CACNB2: variants seen among roughly 807,000 people sequenced by gnomAD.
CACNB2 encodes the protein calcium voltage-gated channel auxiliary subunit beta 2.
In CACNB2, 42 loss-of-function variants were observed where a neutral mutation model predicts 73.3. That is an observed-to-expected ratio of 0.57 (90% CI 0.45 to 0.74). The LOEUF (loss-of-function observed/expected upper bound fraction) is 0.74, where lower values mean the gene tolerates loss of function less well. Among genes scored for constraint, CACNB2 ranks in the 30% least tolerant of loss-of-function variants. CACNB2 has a pLI of 0.00. For missense variants in CACNB2, 940 were observed against 853.0 expected (o/e 1.10, Z -1.27); for synonymous variants, 348 against 310.3 (o/e 1.12, Z -1.28).
intron 2 of CACNB2, among the ~76,000 whole-genome samples, chr10:18,367,156 A>T (rs2042387814): frequency 6.6e-6 from 1 of 152,196 alleles, no homozygotes; most frequent in Non-Finnish European, 1.5e-5. Flanking sequence ...GTTTGTTTTT[A>T]AACTTTCCAC....
chr10:18,407,075 C>G (rs1369352076), intron 3 of CACNB2, among the ~76,000 whole-genome samples: 1 of 132,684 alleles, frequency 7.5e-6, no homozygotes, highest in Non-Finnish European at 1.6e-5. Context: ...AGGTTTACTT[C>G]ATGGTCTTCT....
intron 3 of CACNB2, among the ~76,000 whole-genome samples, chr10:18,475,550 C>T (rs924843903): frequency 1.3e-5 from 2 of 152,154 alleles, no homozygotes; most frequent in African/African-American, 2.4e-5. Flanking sequence ...AGATGATGCT[C>T]ACCGCTGGAC....
At chr10:18,493,009 T>C (rs565944848) in intron 3 of CACNB2, among the ~76,000 whole-genome samples, 5 of 152,192 alleles carry the variant, frequency 3.3e-5, no homozygotes, top group South Asian at 2.1e-4. Context: ...CAACTGTGGA[T>C]TGAAAATGTT....
chr10:18,489,286 G>A (rs1048133552), intron 3 of CACNB2, among the ~76,000 whole-genome samples: 1 of 151,378 alleles, frequency 6.6e-6, no homozygotes, highest in South Asian at 2.1e-4. Flanking sequence ...GCTACTCAGT[G>A]GGCTGAGGCA....
At chr10:18,233,492 G>T (rs2036304096) in intron 2 of CACNB2, among the ~76,000 whole-genome samples, 1 of 150,486 alleles carries the variant, frequency 6.6e-6, no homozygotes, top group South Asian at 2.1e-4. Context: ...GTTTCTTTTT[G>T]TTAGGTTAAA....
chr10:18,407,650 T>C (rs1330914790), intron 3 of CACNB2, among the ~76,000 whole-genome samples: 4 of 152,152 alleles, frequency 2.6e-5, no homozygotes, highest in Non-Finnish European at 5.9e-5. Flanking sequence ...CTCTTTTTAC[T>C]GGCTCTCTGG....
rs892021072 is a variant in CACNB2, at chr10:18,526,535, A to G, written c.945-1053A>G. Among the ~76,000 whole-genome samples, 18 of 152,182 alleles carry G rather than the reference A, an allele frequency of 1.2e-4. No homozygotes were observed. The South Asian group carries it at 1.7e-3, about 14-fold the overall frequency. On this transcript the variant is annotated intron_variant, in intron 9 of 13. Transcript: ENST00000324631. ...CCTTTTCGCCCTAACTTCATTCTCTACCTTCTTTAGAAATATTGTGAGCCT... is the reference window on the plus strand; with the variant it reads ...CCTTTTCGCCCTAACTTCATTCTCTGCCTTCTTTAGAAATATTGTGAGCCT...
At chr10:18,508,066 T>C (rs1589589141) in intron 6 of CACNB2, among the ~76,000 whole-genome samples, 1 of 152,124 alleles carries the variant, frequency 6.6e-6, no homozygotes, top group East Asian at 1.9e-4. Flanking sequence ...TGAGCCACCA[T>C]GCCCAGCCAT....
At position 18,241,609 on chromosome 10, in the gene CACNB2, C is replaced by G. The variant is rs11013133; in HGVS notation, c.213+90634C>G. On this transcript the variant is annotated intron_variant, in intron 2 of 13. Transcript: ENST00000324631. ...AAAAAAAAAAGATACATACAGGTGA[C>G]CTATAAAGAGGTACATGGGAAACAA... 0.013 allele frequency among the ~76,000 whole-genome samples: 2,029 copies of G among 151,252 alleles called. 129 individuals are homozygous for G. In the East Asian group the frequency reaches 0.19, roughly 14 times the overall value.
chr10:18,164,064 A>C (rs1482096040), intron 2 of CACNB2, among the ~76,000 whole-genome samples: 1 of 152,214 alleles, frequency 6.6e-6, no homozygotes, highest in East Asian at 1.9e-4. Context: ...GATGCTTTCT[A>C]TTGGCAAGGT....
intron 2 of CACNB2, among the ~76,000 whole-genome samples, chr10:18,380,009 A>G (rs754774887): frequency 2.6e-5 from 4 of 152,152 alleles, no homozygotes; most frequent in Non-Finnish European, 4.4e-5. Flanking sequence ...TTCTGTTTCT[A>G]TGAATTTGAC....
At chr10:18,354,525 G>A (rs1436788561) in intron 2 of CACNB2, among the ~76,000 whole-genome samples, 2 of 152,192 alleles carry the variant, frequency 1.3e-5, no homozygotes, top group East Asian at 1.9e-4. Context: ...GGTTGATTGT[G>A]TTGGATGAAG....
intron 3 of CACNB2, among the ~76,000 whole-genome samples, chr10:18,461,764 CTTT>C (rs35385599): frequency 3.5e-4 from 24 of 68,020 alleles, no homozygotes; most frequent in African/African-American, 6.1e-4. Context: ...TTCGATAAAG[CTTT>C]TTTTTTTTTT....
chr10:18,260,501 CCA>C, intron 2 of CACNB2: 3 of 985,418 alleles, frequency 3.0e-6, no homozygotes, highest in Non-Finnish European at 3.6e-6. Flanking sequence ...GGTCCTGAGG[CCA>C]CTCTGGCGAT....
At chr10:18,466,792 G>T (rs1005335391) in intron 3 of CACNB2, among the ~76,000 whole-genome samples, 2 of 152,114 alleles carry the variant, frequency 1.3e-5, no homozygotes, top group African/African-American at 2.4e-5. Context: ...CTGGGCCCCG[G>T]ATTGAAGCAT....
At chr10:18,355,114 T>C (rs1016296206) in intron 2 of CACNB2, among the ~76,000 whole-genome samples, 3 of 152,204 alleles carry the variant, frequency 2.0e-5, no homozygotes, top group African/African-American at 7.2e-5. Context: ...GCTCATTACA[T>C]ACATGCAAAT....
At chr10:18,464,965 G>C (rs1418949201) in intron 3 of CACNB2, among the ~76,000 whole-genome samples, 1 of 152,338 alleles carries the variant, frequency 6.6e-6, no homozygotes, top group African/African-American at 2.4e-5. Flanking sequence ...CTTTGAACAG[G>C]TGACTTCGTC....
At chr10:18,191,798 A>T (rs1779204) in intron 2 of CACNB2, among the ~76,000 whole-genome samples, 1 of 151,802 alleles carries the variant, frequency 6.6e-6, no homozygotes, top group African/African-American at 2.4e-5. Context: ...AGTAGTATTC[A>T]GTTGTATAAA....
chr10:18,482,648 G>A (rs1364856857), intron 3 of CACNB2, among the ~76,000 whole-genome samples: 1 of 151,988 alleles, frequency 6.6e-6, no homozygotes, highest in South Asian at 2.1e-4. Flanking sequence ...GTAGGTGGGA[G>A]TACTGGTGCC....
Sources: gnomAD v4.1 joint callset for allele counts (sites outside exome capture counted in the v4.1 genomes callset) on GRCh38, gnomAD v4.1.1 for gene constraint, MANE v1.5 for transcripts, NCBI Gene and HGNC (gene_info 2026-07-23, HGNC 2026-07-21) for gene names.